FKBP9: variants seen among roughly 807,000 people sequenced by gnomAD.
FKBP9 encodes the protein peptidyl-prolyl cis-trans isomerase FKBP9.
FKBP9 carries 27 observed loss-of-function variants against 55.6 expected under a neutral mutation model. That is an observed-to-expected ratio of 0.49 (90% CI 0.36 to 0.67). FKBP9 has a LOEUF of 0.67. Among genes scored for constraint, FKBP9 ranks in the 30% least tolerant of loss-of-function variants. The pLI, the probability that FKBP9 is intolerant of heterozygous loss-of-function variation, is 0.00. For synonymous variants in FKBP9, 267 were observed against 296.5 expected (o/e 0.90, Z 1.02); for missense variants, 539 against 742.8 (o/e 0.73, Z 3.19).
At chr7:32,996,606 T>TTTCCTCCCTTCCTTCC (rs1784792801) in intron 7 of FKBP9, among the ~76,000 whole-genome samples, 1 of 110,358 alleles carries the variant, frequency 9.1e-6, no homozygotes, top group African/African-American at 3.9e-5. Flanking sequence ...AACTGCTATC[T>TTTCCTCCCTTCCTTCC]TTCCTTCCTT....
chr7:32,990,734 G>A (rs1003368718), intron 6 of FKBP9, among the ~76,000 whole-genome samples: 7 of 152,210 alleles, frequency 4.6e-5, no homozygotes, highest in African/African-American at 1.7e-4. Flanking sequence ...AGTTGATGCA[G>A]TATTTATTTT....
intron 7 of FKBP9, among the ~76,000 whole-genome samples, chr7:32,997,045 C>T (rs866487305): frequency 2.0e-5 from 3 of 151,976 alleles, no homozygotes; most frequent in South Asian, 2.1e-4. Context: ...CCACCCGCCT[C>T]GGCCTCCCAA....
intron 2 of FKBP9, 55 bp from the exon 3 acceptor site, chr7:32,975,127 T>C (rs1407132409): frequency 6.9e-7 from 1 of 1,452,286 alleles, no homozygotes; most frequent in African/African-American, 1.4e-5. Context: ...GGTGTTTATT[T>C]ATCTGGCCTG....
chr7:33,004,710 T>C (rs1413777895), intron 9 of FKBP9, among the ~76,000 whole-genome samples: 3 of 152,276 alleles, frequency 2.0e-5, no homozygotes, highest in African/African-American at 7.2e-5. Context: ...TGTCTAATTG[T>C]CTGTTTCCAC....
chr7:32,974,794 C>A (rs774966591), intron 2 of FKBP9, 32 bp downstream of exon 2: 6 of 1,580,226 alleles, frequency 3.8e-6, no homozygotes, highest in Non-Finnish European at 5.2e-6. Flanking sequence ...ATAAACACGT[C>A]AGCAGAAACA....
At chr7:32,958,169 G>T (rs28526518) in intron 1 of FKBP9, among the ~76,000 whole-genome samples, 145,080 of 152,302 alleles carry the variant, frequency 0.95, 69,166 homozygotes, top group African/African-American at 0.99. Flanking sequence ...GCCTCTCTTC[G>T]CCCTTTCCTG....
At chr7:32,970,885 G>T (rs1784238878) in intron 1 of FKBP9, among the ~76,000 whole-genome samples, 1 of 149,808 alleles carries the variant, frequency 6.7e-6, no homozygotes, top group Non-Finnish European at 1.5e-5. Flanking sequence ...TCTTTTTCTT[G>T]CTTAATTGCT....
chr7:32,995,789 T>G (rs1490468003), intron 6 of FKBP9, among the ~76,000 whole-genome samples: 4 of 152,158 alleles, frequency 2.6e-5, no homozygotes, highest in Non-Finnish European at 4.4e-5. Flanking sequence ...TTACTTCCAG[T>G]GGGCAAGGGG....
chr7:32,977,870 C>CATATATATAT (rs748298046), intron 4 of FKBP9, among the ~76,000 whole-genome samples: 46 of 124,654 alleles, frequency 3.7e-4, no homozygotes, highest in African/African-American at 1.1e-3. Context: ...TATACATGCC[C>CATATATATAT]ATATATATAT....
intron 1 of FKBP9, among the ~76,000 whole-genome samples, chr7:32,966,535 T>C (rs1290071110): frequency 1.3e-5 from 2 of 152,222 alleles, no homozygotes; most frequent in East Asian, 1.9e-4. Flanking sequence ...ATGGACTACA[T>C]GTGCATAGTA....
intron 1 of FKBP9, among the ~76,000 whole-genome samples, chr7:32,969,040 T>C (rs971524452): frequency 6.6e-6 from 1 of 152,252 alleles, no homozygotes; most frequent in African/African-American, 2.4e-5. Flanking sequence ...CATTTGTATA[T>C]CTTTTTTGGA....
At chr7:32,994,168 T>C (rs1784739325) in intron 6 of FKBP9, among the ~76,000 whole-genome samples, 1 of 152,208 alleles carries the variant, frequency 6.6e-6, no homozygotes, top group South Asian at 2.1e-4. Context: ...AACCATTACC[T>C]CTACCTAATT....
At chr7:32,967,943 C>T (rs1377143741) in intron 1 of FKBP9, among the ~76,000 whole-genome samples, 1 of 152,136 alleles carries the variant, frequency 6.6e-6, no homozygotes, top group Admixed American at 6.6e-5. Flanking sequence ...TTAGTAGAGA[C>T]AGGGTTTCTC....
At chr7:32,959,861 T>A (rs559036183) in intron 1 of FKBP9, among the ~76,000 whole-genome samples, 2 of 152,334 alleles carry the variant, frequency 1.3e-5, no homozygotes, top group South Asian at 4.1e-4. Context: ...TTGGATTGCT[T>A]ATACTTTTTG....
intron 8 of FKBP9, among the ~76,000 whole-genome samples, chr7:33,001,762 C>CTGA (rs975835454): frequency 3.3e-5 from 5 of 152,192 alleles, no homozygotes; most frequent in African/African-American, 1.2e-4. Flanking sequence ...TCATCATCTT[C>CTGA]AGGCATATTG....
At chr7:32,982,615 A>T (rs1013424471) in intron 5 of FKBP9, among the ~76,000 whole-genome samples, 1 of 152,018 alleles carries the variant, frequency 6.6e-6, no homozygotes, top group Non-Finnish European at 1.5e-5. Flanking sequence ...CATTTAGTGC[A>T]TATGTGTATT....
Position 32,974,723 on chromosome 7 carries a change from A to C in FKBP9, c.328A>C (p.Lys110Gln). ...GMCVNERRFV[K>Q]IPPKLAYGNE... ...GTGCGTAAACGAGAGACGTTTCGTG[A>C]AGATTCCCCCAAAGCTTGCCTACGG... Residue 110 changes from lysine (K) to glutamine (Q), a missense_variant, in exon 2 of 10, where the codon AAG becomes CAG. Physicochemically the swap from Lys to Gln is moderately conservative, Grantham distance 53 (BLOSUM62 1). Around this residue, in one of 4 missense-constraint regions of FKBP9, gnomAD observed 236 missense variants for 271.5 expected, o/e 0.87. Coordinates refer to ENST00000242209, the MANE Select transcript of FKBP9 (RefSeq NM_007270.5). 1 of 1,613,954 alleles carries C rather than the reference A, an allele frequency of 6.2e-7. No individual in the cohort carries two copies. The highest frequency in any genetic ancestry group is 1.1e-5 in the South Asian group (1 of 91,072).
In FKBP9 at chr7:33,005,345, A is replaced by C; in HGVS notation, c.1707A>C (p.Glu569Asp). The C allele has an allele frequency of 1.9e-6, 3 of 1,614,092 alleles. No homozygotes were observed. The highest frequency in any genetic ancestry group is 2.5e-6 in the Non-Finnish European group (3 of 1,179,998). Residue 569 changes from glutamate to aspartate, a missense_variant, in exon 10 of 10, where the codon GAA becomes GAC. Around this residue, in one of 4 missense-constraint regions of FKBP9, gnomAD observed 102 missense variants for 200.7 expected, o/e 0.51. Transcript: ENST00000242209. ...KLKDQEAKHDEL is the reference protein window; with the variant it reads ...KLKDQEAKHDDL ...AAGACCAGGAAGCCAAACACGATGA[A>C]CTCTAAACCTGGCATGAACCAGATG... is the stretch of plus-strand genomic sequence containing the variant.
intron 1 of FKBP9, among the ~76,000 whole-genome samples, chr7:32,965,890 G>GAT (rs1784138173): frequency 9.5e-6 from 1 of 105,196 alleles, no homozygotes; most frequent in African/African-American, 3.4e-5. Flanking sequence ...TATATAGAGA[G>GAT]AGAGAGAGAG....
Sources: gnomAD v4.1 joint callset for allele counts (sites outside exome capture counted in the v4.1 genomes callset) on GRCh38, gnomAD v4.1.1 for gene constraint, gnomAD v4.1.1 regional missense constraint, MANE v1.5 for transcripts, NCBI Gene and HGNC (gene_info 2026-07-23, HGNC 2026-07-21) for gene names.